ESYT2: variants seen among roughly 807,000 people sequenced by gnomAD.
The protein encoded by ESYT2 is extended synaptotagmin 2, also known as extended synaptotagmin-2.
ESYT2 carries 54 observed loss-of-function variants against 107.2 expected under a neutral mutation model. The observed-to-expected ratio is 0.50, with a 90% CI of 0.40 to 0.63. The LOEUF (loss-of-function observed/expected upper bound fraction) is 0.63. Among genes scored for constraint, ESYT2 ranks in the 30% least tolerant of loss-of-function variants. ESYT2 has a pLI of 0.00. For synonymous variants in ESYT2, 491 were observed against 434.1 expected (o/e 1.13, Z -1.63); for missense variants, 1,020 against 1,094.5 (o/e 0.93, Z 0.96).
At position 158,806,089 on chromosome 7, in the gene ESYT2, G is replaced by A. The variant is rs547580409; in HGVS notation, c.331-7017C>T. 4.9e-3 allele frequency among the ~76,000 whole-genome samples: 744 copies of A among 152,194 alleles called. 4 individuals carry two copies. Among genetic ancestry groups the A allele is most frequent in the African/African-American group, 0.017 (710 of 41,494 alleles). On this transcript the variant is annotated intron_variant, in intron 1 of 22. Coordinates refer to ENST00000275418, the MANE Select transcript of ESYT2 (RefSeq NM_001367773.1). ...CGGGGCACACCGCGTGGGAGGCGCCGGGGCACACCGCGTGGGAGGCGCCGG... is the reference window on the plus strand; with the variant it reads ...CGGGGCACACCGCGTGGGAGGCGCCAGGGCACACCGCGTGGGAGGCGCCGG...
chr7:158,827,313 TCA>T (rs1840486685), intron 1 of ESYT2, among the ~76,000 whole-genome samples: 1 of 152,166 alleles, frequency 6.6e-6, no homozygotes, highest in Non-Finnish European at 1.5e-5. Flanking sequence ...TGCTATGTTA[TCA>T]ATATAACATA....
At position 158,778,003 on chromosome 7, in the gene ESYT2, G is replaced by A. The variant is rs187479491; in HGVS notation, c.748-4607C>T. Among the ~76,000 whole-genome samples the A allele has an allele frequency of 7.9e-5, 12 of 152,270 alleles. No homozygotes were observed. The East Asian group carries it at 2.3e-3, about 29-fold the overall frequency. On this transcript the variant is annotated intron_variant, in intron 6 of 22. Transcript: ENST00000275418. ...CAACTAGTAAAAACACAGTATCTACGAAGCGCAATAAAGCAAAGCACAATA... is the reference window on the plus strand; with the variant it reads ...CAACTAGTAAAAACACAGTATCTACAAAGCGCAATAAAGCAAAGCACAATA...
intron 3 of ESYT2, among the ~76,000 whole-genome samples, chr7:158,794,051 T>C (rs1250891991): frequency 6.6e-6 from 1 of 152,260 alleles, no homozygotes; most frequent in African/African-American, 2.4e-5. Context: ...TGTCAGCACA[T>C]GTAACAATAC....
At chr7:158,754,361 CA>C (rs1837682872) in intron 13 of ESYT2, among the ~76,000 whole-genome samples, 1 of 151,990 alleles carries the variant, frequency 6.6e-6, no homozygotes, top group African/African-American at 2.4e-5. Context: ...CATGCACCAC[CA>C]CACCCGGCTA....
At chr7:158,804,471 CTGCCGAGAAGGGTGAGGCG>C (rs2129473756) in intron 1 of ESYT2, among the ~76,000 whole-genome samples, 1 of 143,362 alleles carries the variant, frequency 7.0e-6, no homozygotes, top group East Asian at 2.1e-4. Context: ...CAAACCCAAA[CTGCCGAGAAGGGTGAGGCG>C]CGTGACAAAC....
intron 15 of ESYT2, 116 bp downstream of exon 15, chr7:158,749,533 G>T: frequency 2.3e-6 from 2 of 872,196 alleles, no homozygotes; most frequent in Non-Finnish European, 3.6e-6. Flanking sequence ...TGGTCTCGAT[G>T]CCCACGCTAT....
rs773443148 is a variant in ESYT2, at chr7:158,797,964, G to A, written c.485C>T (p.Thr162Met). Residue 162 changes from threonine (T) to methionine (M), a missense_variant, in exon 3 of 23, where the codon ACG becomes ATG. Thr to Met is a moderately conservative substitution (Grantham distance 81). Transcript: ENST00000275418. ...ANTHLSTFSFTKVDVGQQPLR... is the reference protein window; with the variant it reads ...ANTHLSTFSFMKVDVGQQPLR... ...GACCTGCTGGCCCACGTCGACCTTC[G>A]TGAAACTAAAGGTGCTAAGGTGGGT... 9 of 1,613,854 alleles carry A rather than the reference G, an allele frequency of 5.6e-6. No homozygotes were observed. In the African/African-American group the frequency reaches 8.0e-5, roughly 14 times the overall value.
intron 1 of ESYT2, among the ~76,000 whole-genome samples, chr7:158,821,500 A>G (rs1443540416): frequency 6.6e-6 from 1 of 152,238 alleles, no homozygotes; most frequent in Admixed American, 6.5e-5. Flanking sequence ...AGATCTGAAC[A>G]CATCACTACT....
At chr7:158,747,320 T>TGGG (rs1837438507) in intron 16 of ESYT2, among the ~76,000 whole-genome samples, 1 of 151,756 alleles carries the variant, frequency 6.6e-6, no homozygotes, top group Non-Finnish European at 1.5e-5. Flanking sequence ...CACTCCAGCC[T>TGGG]CCATGACAGA....
intron 1 of ESYT2, among the ~76,000 whole-genome samples, chr7:158,825,456 AAC>A (rs1840413378): frequency 6.6e-6 from 1 of 152,230 alleles, no homozygotes. Context: ...AAGCAGTTGG[AAC>A]ATAACTGTTC....
At chr7:158,773,514 C>A (rs1433572101) in intron 6 of ESYT2, 118 bp from the exon 7 acceptor site, 4 of 884,914 alleles carry the variant, frequency 4.5e-6, no homozygotes, top group African/African-American at 1.7e-5. Context: ...CAGACCCACA[C>A]CCTTCATCCT....
chr7:158,740,243 C>T (rs998049150), intron 18 of ESYT2, among the ~76,000 whole-genome samples: 2 of 152,208 alleles, frequency 1.3e-5, no homozygotes, highest in Non-Finnish European at 2.9e-5. Context: ...GCTGAGGACG[C>T]GTGCTCCGCA....
chr7:158,781,117 G>A (rs905683069), intron 6 of ESYT2, among the ~76,000 whole-genome samples: 2 of 152,202 alleles, frequency 1.3e-5, no homozygotes, highest in Admixed American at 6.5e-5. Context: ...GAACAAGTAC[G>A]AGAGAACGAG....
chr7:158,767,791 A>G lies in ESYT2; in HGVS notation c.804-17T>C. Reference sequence around the variant, plus strand: ...GATAAACCACTGTTAGTTGGGAGACAAAAAGAGCAAACGGACTATCAGACA... The same window carrying G: ...GATAAACCACTGTTAGTTGGGAGACGAAAAGAGCAAACGGACTATCAGACA... On this transcript the variant is annotated splice_polypyrimidine_tract_variant and intron_variant, in intron 7 of 22. Coordinates refer to ENST00000275418, the MANE Select transcript of ESYT2 (RefSeq NM_001367773.1). 6.2e-7 allele frequency: 1 copy of G among 1,602,410 alleles called. No individual in the cohort carries two copies. Among genetic ancestry groups the G allele is most frequent in the Non-Finnish European group, 8.5e-7 (1 of 1,172,918 alleles).
At position 158,748,769 on chromosome 7, in the gene ESYT2, G is replaced by C. The variant is rs553305014; in HGVS notation, c.1558-489C>G. Among the ~76,000 whole-genome samples the C allele has an allele frequency of 4.0e-5, 6 of 151,316 alleles. No homozygotes were observed. In the East Asian group the frequency reaches 1.2e-3, roughly 30 times the overall value. Reference sequence around the variant, plus strand: ...AGAGTCTTGCTCTGTCGCCAGGCTGGAGTGCAGTGGCGCAATCTCAGCTCA... The same window carrying C: ...AGAGTCTTGCTCTGTCGCCAGGCTGCAGTGCAGTGGCGCAATCTCAGCTCA... On this transcript the variant is annotated intron_variant, in intron 15 of 22. Transcript: ENST00000275418.
At chr7:158,736,934 G>T in intron 20 of ESYT2, 114 bp downstream of exon 20, 1 of 1,410,304 alleles carries the variant, frequency 7.1e-7, no homozygotes, top group Non-Finnish European at 9.6e-7. Flanking sequence ...GTTTCTGATT[G>T]AACTTCTCAA....
intron 1 of ESYT2, among the ~76,000 whole-genome samples, chr7:158,812,156 A>C (rs1840010102): frequency 6.6e-6 from 1 of 152,078 alleles, no homozygotes; most frequent in Admixed American, 6.5e-5. Flanking sequence ...GCCTGTGCCC[A>C]CTCTGCCTTC....
intron 1 of ESYT2, among the ~76,000 whole-genome samples, chr7:158,822,089 T>G (rs1228396903): frequency 2.6e-5 from 4 of 152,302 alleles, no homozygotes; most frequent in Admixed American, 2.6e-4. Flanking sequence ...ATCATCTGCA[T>G]AGAGTGGGTC....
chr7:158,782,575 GAACA>G (rs1176701842), intron 6 of ESYT2, among the ~76,000 whole-genome samples: 13 of 120,492 alleles, frequency 1.1e-4, no homozygotes, highest in Non-Finnish European at 2.3e-4. Flanking sequence ...GGGAGTGTGA[GAACA>G]AAGAATGAGT....
Sources: allele counts gnomAD v4.1 joint callset (sites outside exome capture counted in the v4.1 genomes callset), GRCh38; gene constraint gnomAD v4.1.1; transcripts MANE v1.5; gene names NCBI Gene and HGNC (gene_info 2026-07-23, HGNC 2026-07-21).